The following RYR1 variants were observed in gnomAD, a reference collection of about 807,000 sequenced individuals.
The protein encoded by RYR1 is central core disease of muscle.
RYR1 carries 342 observed loss-of-function variants against 583.5 expected under a neutral mutation model. That is an observed-to-expected ratio of 0.59 (90% CI 0.54 to 0.64). The LOEUF is 0.64. Among genes scored for constraint, RYR1 ranks in the 30% least tolerant of loss-of-function variants. The pLI is 0.00. For synonymous variants in RYR1, 2,791 were observed against 2,822.5 expected, an observed-to-expected ratio of 0.99 and a Z score of 0.35; for missense variants, 6,032 against 6,917.2, an observed-to-expected ratio of 0.87 and a Z score of 4.54.
At chr19:38,487,274 C>A (rs1352256937) in intron 34 of RYR1, among the ~76,000 whole-genome samples, 1 of 152,182 alleles carries the variant, frequency 6.6e-6, no homozygotes, top group Non-Finnish European at 1.5e-5. Flanking sequence ...TCCTTCTCTC[C>A]ATCCCTTGTA....
Position 38,506,368 on chromosome 19 carries a change from G to A in RYR1, c.8607G>A (p.Arg2869=). The change falls in exon 55 of 106, where the codon CGG becomes CGA. Residue 2869 remains arginine (R), a synonymous_variant. Transcript: ENST00000359596. ...ACCTTAGTGCTGTTACCCTGTCCCG[G>A]GAGCTGCAGGTGAGAGCCCTGATCC... ...PPDLSAVTLS[R]ELQAMAEQLA... is the part of the protein sequence containing the mutation. 1 of 1,613,836 alleles carries A rather than the reference G, an allele frequency of 6.2e-7. No homozygotes were observed. Among genetic ancestry groups the A allele is most frequent in the Non-Finnish European group, 8.5e-7 (1 of 1,179,830 alleles).
chr19:38,517,458 G>A lies in RYR1; in HGVS notation c.9785G>A (p.Arg3262His), dbSNP rs200855514. 2.5e-6 allele frequency: 4 copies of A among 1,614,044 alleles called. No individual in the cohort carries two copies. The highest frequency in any genetic ancestry group is 1.7e-5 in the Admixed American group (1 of 60,012). Residue 3262 changes from arginine to histidine, a missense_variant, in exon 66 of 106, where the codon CGC (arginine) becomes CAC (histidine). Around this residue, in one of 11 missense-constraint regions of RYR1, gnomAD observed 1,493 missense variants for 1,715.5 expected, o/e 0.87. Coordinates refer to ENST00000359596, the MANE Select transcript of RYR1 (RefSeq NM_000540.3). ...DIGGLAESGA[R>H]YTEMPHVIEI... ...GGGGGGCTGGCCGAGTCAGGTGCCC[G>A]CTACACAGAGATGCCGCATGTCATC... is the stretch of plus-strand genomic sequence containing the variant.
intron 95 of RYR1, 46 bp downstream of exon 95, chr19:38,572,316 T>A: frequency 1.1e-5 from 2 of 181,438 alleles, no homozygotes; most frequent in Non-Finnish European, 2.0e-5. Context: ...ATTGGCTGGG[T>A]GGGGGTGGGG....
chr19:38,477,646 G>C (rs1968800959), intron 29 of RYR1, 64 bp from the exon 30 acceptor site: 1 of 1,611,290 alleles, frequency 6.2e-7, no homozygotes, highest in Non-Finnish European at 8.5e-7. Context: ...CCAATTTCGA[G>C]TCCCAGGGAG....
chr19:38,484,200 G>A (rs1386698910), intron 33 of RYR1, among the ~76,000 whole-genome samples: 1 of 152,072 alleles, frequency 6.6e-6, no homozygotes, highest in East Asian at 1.9e-4. Context: ...GCTGAGGCAT[G>A]AGAATTGCTT....
chr19:38,448,541 C>T (rs1966909222), intron 10 of RYR1, 30 bp downstream of exon 10: 3 of 1,614,036 alleles, frequency 1.9e-6, no homozygotes, highest in Non-Finnish European at 1.7e-6. Context: ...CCCTCCCTCA[C>T]CTGAAGCCCC....
intron 31 of RYR1, among the ~76,000 whole-genome samples, chr19:38,479,988 G>A (rs1968929464): frequency 1.3e-5 from 2 of 152,038 alleles, no homozygotes; most frequent in African/African-American, 4.8e-5. Flanking sequence ...CCAAAGTGCT[G>A]GGATTGCAGG....
chr19:38,574,898 G>A (rs1973886880), intron 96 of RYR1, among the ~76,000 whole-genome samples: 1 of 151,934 alleles, frequency 6.6e-6, no homozygotes, highest in African/African-American at 2.4e-5. Flanking sequence ...AAATTAGCTG[G>A]GCGTGGCAGT....
rs1380227293 is a variant in RYR1 at position 38,459,271 on chromosome 19, G to C, written c.2293G>C (p.Gly765Arg). ...SFRINGCPVQ[G>R]VFESFNLDGL... is the part of the protein sequence containing the mutation. Reference sequence around the variant, plus strand: ...CCGCATCAACGGCTGCCCCGTGCAGGGTGTCTTTGAGTCCTTCAACCTGGA... The same window carrying C: ...CCGCATCAACGGCTGCCCCGTGCAGCGTGTCTTTGAGTCCTTCAACCTGGA... Residue 765 changes from glycine (G) to arginine (R), a missense_variant, in exon 19 of 106, where the codon GGT (glycine) becomes CGT (arginine). Physicochemically the swap from Gly to Arg is moderately radical, Grantham distance 125. Around this residue, in one of 11 missense-constraint regions of RYR1, gnomAD observed 2,627 missense variants for 2,961.3 expected, o/e 0.89. Transcript: ENST00000359596. 6 of 1,613,884 alleles carry C rather than the reference G, an allele frequency of 3.7e-6. No individual in the cohort carries two copies. Among genetic ancestry groups the C allele is most frequent in the Non-Finnish European group, 5.1e-6 (6 of 1,179,992 alleles).
intron 91 of RYR1, among the ~76,000 whole-genome samples, chr19:38,566,481 A>G (rs531321871): frequency 6.7e-6 from 1 of 150,338 alleles, no homozygotes; most frequent in South Asian, 2.1e-4. Context: ...AAAAAAAGGA[A>G]AAGAAAGACC....
intron 67 of RYR1, among the ~76,000 whole-genome samples, chr19:38,522,804 G>T (rs1419246763): frequency 1.3e-5 from 2 of 151,466 alleles, no homozygotes; most frequent in Admixed American, 6.6e-5. Flanking sequence ...ACAAAAATTA[G>T]CCCGGTGTGG....
chr19:38,533,582 A>G (rs966269014), intron 78 of RYR1, among the ~76,000 whole-genome samples: 2 of 152,204 alleles, frequency 1.3e-5, no homozygotes, highest in Non-Finnish European at 2.9e-5. Context: ...ACCTGAGGCC[A>G]GGAGTTCAAG....
Position 38,473,517 on chromosome 19 carries a change from C to T in RYR1, c.3906C>T (p.Cys1302=), listed in dbSNP as rs765187520. 1 of 1,613,016 alleles carries T rather than the reference C, an allele frequency of 6.2e-7. No individual in the cohort carries two copies. The highest frequency in any genetic ancestry group is 8.5e-7 in the Non-Finnish European group (1 of 1,179,642). ...LPVQFHQHFR[C]TAGATPLAPP... Reference sequence around the variant, plus strand: ...TCCAGTTCCACCAGCACTTCCGCTGCACTGCAGGGGCCACCCCGCTGGCAC... The same window carrying T: ...TCCAGTTCCACCAGCACTTCCGCTGTACTGCAGGGGCCACCCCGCTGGCAC... Residue 1302 remains cysteine (C), a synonymous_variant, in exon 28 of 106, where the codon TGC becomes TGT. Coordinates refer to ENST00000359596, the MANE Select transcript of RYR1 (RefSeq NM_000540.3).
rs114522234 is a variant in RYR1 at position 38,502,734 on chromosome 19, C to G, written c.7835+7C>G. 15 of 1,264,700 alleles carry G rather than the reference C, an allele frequency of 1.2e-5. No individual in the cohort carries two copies. Among genetic ancestry groups the G allele is most frequent in the African/African-American group, 1.7e-5 (1 of 57,222 alleles). The allele number at this position is 1,264,700 out of a possible 1,614,324, so 78.3% of individuals were successfully genotyped here. On this transcript the variant is annotated splice_region_variant and intron_variant, in intron 48 of 105. Transcript: ENST00000359596. ...GCCTCATGTCGCTCTGCAGGTGGAG[C>G]GGGGCAGGCTTCAGGGTGGGGCAGG... is the stretch of plus-strand genomic sequence containing the variant.
intron 79 of RYR1, 123 bp downstream of exon 79, chr19:38,534,942 C>A: frequency 1.7e-6 from 2 of 1,178,352 alleles, no homozygotes; most frequent in South Asian, 1.3e-5. Flanking sequence ...GCACGCACAC[C>A]CCAGCCCTTG....
intron 20 of RYR1, among the ~76,000 whole-genome samples, chr19:38,462,840 G>GTCC (rs1424968733): frequency 6.7e-6 from 1 of 149,736 alleles, no homozygotes; most frequent in Non-Finnish European, 1.5e-5. Flanking sequence ...GGAGCTCCCA[G>GTCC]TCCACGGGGG....
chr19:38,569,973 G>A (rs1388787123), intron 93 of RYR1, among the ~76,000 whole-genome samples: 1 of 152,192 alleles, frequency 6.6e-6, no homozygotes, highest in South Asian at 2.1e-4. Flanking sequence ...AGACCAGCCT[G>A]ACCAACATGG....
In RYR1 at chr19:38,577,921, C is replaced by G; in HGVS notation, c.14176C>G (p.Leu4726Val). Residue 4726 changes from leucine to valine, a missense_variant, in exon 98 of 106, where the codon CTG (leucine) becomes GTG (valine). Leu to Val is a conservative substitution (Grantham distance 32). Coordinates refer to ENST00000359596, the MANE Select transcript of RYR1 (RefSeq NM_000540.3). ...YWDKFVKRKV[L>V]DKHGDIYGRE... ...AGCCTGATGCTCTCTTGTGCAGGTC[C>G]TGGACAAACATGGGGACATCTACGG... is the stretch of plus-strand genomic sequence containing the variant. 1 of 1,614,134 alleles carries G rather than the reference C, an allele frequency of 6.2e-7. No homozygotes were observed. Among genetic ancestry groups the G allele is most frequent in the Non-Finnish European group, 8.5e-7 (1 of 1,180,024 alleles).
intron 2 of RYR1, 60 bp downstream of exon 2, chr19:38,440,924 G>A (rs1478118140): frequency 6.4e-7 from 1 of 1,574,208 alleles, no homozygotes; most frequent in Non-Finnish European, 8.7e-7. Context: ...AGAGAATCTT[G>A]GGTCCAAAGA....
Sources: allele counts gnomAD v4.1 joint callset (sites outside exome capture counted in the v4.1 genomes callset), GRCh38; gene constraint gnomAD v4.1.1; regional missense constraint gnomAD v4.1.1; transcripts MANE v1.5; gene names NCBI Gene and HGNC (gene_info 2026-07-23, HGNC 2026-07-21).